RBFOX2: variants seen among roughly 807,000 people sequenced by gnomAD.
RBFOX2 encodes RNA binding protein fox-1 homolog 2.
Under a neutral mutation model 49.1 loss-of-function variants are expected in RBFOX2, and 10 were observed. The ratio of observed to expected loss-of-function variants is 0.20; its 90% confidence interval spans 0.13 to 0.35. RBFOX2 has a LOEUF of 0.35. RBFOX2 is among the 10% of genes least tolerant of loss of function. The pLI, the probability that RBFOX2 is intolerant of heterozygous loss-of-function variation, is 1.00. For synonymous variants in RBFOX2, 183 were observed against 187.4 expected (o/e 0.98, Z 0.19); for missense variants, 323 against 486.9 (o/e 0.66, Z 3.17).
At chr22:36,001,012 T>C (rs923843217) in intron 1 of RBFOX2, among the ~76,000 whole-genome samples, 19 of 152,234 alleles carry the variant, frequency 1.2e-4, no homozygotes, top group South Asian at 4.1e-4. Context: ...TAATAAATGA[T>C]AGCATCAAAA....
intron 1 of RBFOX2, among the ~76,000 whole-genome samples, chr22:35,875,440 G>C (rs926432203): frequency 6.6e-6 from 1 of 152,060 alleles, no homozygotes; most frequent in Non-Finnish European, 1.5e-5. Flanking sequence ...AAAATTCCAG[G>C]TTACATTTCT....
intron 1 of RBFOX2, among the ~76,000 whole-genome samples, chr22:35,960,732 C>T (rs530757890): frequency 1.5e-4 from 23 of 152,154 alleles, no homozygotes; most frequent in African/African-American, 5.5e-4. Flanking sequence ...CACAAAATCA[C>T]GAAGAGCCAA....
chr22:35,817,398 A>G (rs996479256), intron 1 of RBFOX2, among the ~76,000 whole-genome samples: 4 of 152,084 alleles, frequency 2.6e-5, no homozygotes, highest in African/African-American at 9.7e-5. Context: ...AATCACTTGA[A>G]CATCGGAGGC....
chr22:35,897,811 G>T, intron 1 of RBFOX2: 1 of 749,406 alleles, frequency 1.3e-6, no homozygotes, highest in Non-Finnish European at 2.5e-6. Flanking sequence ...TACGATAATG[G>T]CTTCTGGAAA....
At chr22:35,877,126 A>G (rs1396737094) in intron 1 of RBFOX2, among the ~76,000 whole-genome samples, 2 of 152,230 alleles carry the variant, frequency 1.3e-5, no homozygotes, top group Non-Finnish European at 2.9e-5. Flanking sequence ...TCCCTGATAC[A>G]AATGTAATTC....
Position 35,840,137 on chromosome 22 carries a change from T to G in RBFOX2, c.27+55A>C, listed in dbSNP as rs1958467547. ...CTTACTATACTCCACCCTCAAACCTTTATTTAGATCCCAGAGAGGAGAAAA... is the reference window on the plus strand; with the variant it reads ...CTTACTATACTCCACCCTCAAACCTGTATTTAGATCCCAGAGAGGAGAAAA... On this transcript the variant is annotated intron_variant, in intron 1 of 11. Transcript: ENST00000405409. 1.9e-6 allele frequency: 3 copies of G among 1,589,572 alleles called. No individual in the cohort carries two copies. In the African/African-American group the frequency reaches 4.0e-5, roughly 21 times the overall value.
At chr22:35,849,093 A>G (rs1451339472) in intron 1 of RBFOX2, among the ~76,000 whole-genome samples, 1 of 152,228 alleles carries the variant, frequency 6.6e-6, no homozygotes, top group Non-Finnish European at 1.5e-5. Flanking sequence ...AAAACGTTAG[A>G]CTAAAAATAG....
chr22:35,909,066 T>G (rs2049461171), intron 1 of RBFOX2, among the ~76,000 whole-genome samples: 1 of 152,154 alleles, frequency 6.6e-6, no homozygotes, highest in Non-Finnish European at 1.5e-5. Flanking sequence ...ATGGTCTCGA[T>G]CTCCTGACCT....
chr22:35,739,123 G>C (rs1398012640), exon 12 of RBFOX2: 1 of 154,228 alleles, frequency 6.5e-6, no homozygotes, highest in African/African-American at 2.4e-5. Context: ...GAGGACGGGA[G>C]GGGAGAGAGA....
intron 1 of RBFOX2, among the ~76,000 whole-genome samples, chr22:35,864,635 G>T (rs182194458): frequency 6.6e-6 from 1 of 152,182 alleles, no homozygotes; most frequent in Non-Finnish European, 1.5e-5. Flanking sequence ...GATGGTCACT[G>T]ACAATTATCC....
intron 1 of RBFOX2, among the ~76,000 whole-genome samples, chr22:35,817,688 G>A (rs1176713791): frequency 6.6e-6 from 1 of 151,984 alleles, no homozygotes; most frequent in African/African-American, 2.4e-5. Context: ...TTTAGCGTGG[G>A]TATAACTAAA....
intron 9 of RBFOX2, among the ~76,000 whole-genome samples, chr22:35,755,180 G>T (rs761920264): frequency 2.0e-5 from 3 of 152,186 alleles, no homozygotes; most frequent in Non-Finnish European, 4.4e-5. Context: ...ATCATTTCAT[G>T]CTGACAAGTT....
At chr22:35,821,916 G>A (rs1258853601) in intron 1 of RBFOX2, 4 of 518,884 alleles carry the variant, frequency 7.7e-6, no homozygotes, top group Non-Finnish European at 1.5e-5. Context: ...GAAATGGGAG[G>A]AAACCATAAA....
rs559824597 is a variant in RBFOX2, at chr22:35,770,849, T to C, written c.454-2500A>G. On this transcript the variant is annotated intron_variant, in intron 4 of 11. Coordinates refer to ENST00000405409, the Ensembl canonical transcript of RBFOX2. Reference sequence around the variant, plus strand: ...TAATGACTAACATTCTGGAACAAAATTTCACTTTCAAATGTTTTAAAAGTG... The same window carrying C: ...TAATGACTAACATTCTGGAACAAAACTTCACTTTCAAATGTTTTAAAAGTG... 3.8e-4 allele frequency among the ~76,000 whole-genome samples: 58 copies of C among 152,274 alleles called. No individual in the cohort carries two copies. In the South Asian group the frequency reaches 0.011, roughly 30 times the overall value.
chr22:35,944,493 G>C (rs535751392), intron 1 of RBFOX2, among the ~76,000 whole-genome samples: 61 of 152,114 alleles, frequency 4.0e-4, no homozygotes, highest in Non-Finnish European at 6.9e-4. Flanking sequence ...ACTATTTTTT[G>C]TAGCATTTTA....
At chr22:36,028,010 C>T (rs1281776928) in intron 1 of RBFOX2, among the ~76,000 whole-genome samples, 2 of 152,150 alleles carry the variant, frequency 1.3e-5, no homozygotes, top group Non-Finnish European at 2.9e-5. Flanking sequence ...ACTCGTCGTG[C>T]CTCCTGGCCC....
At chr22:35,967,407 C>T (rs1169105666) in intron 1 of RBFOX2, among the ~76,000 whole-genome samples, 3 of 150,196 alleles carry the variant, frequency 2.0e-5, no homozygotes, top group Non-Finnish European at 4.4e-5. Context: ...AAAAAATACC[C>T]TACCAAAAAA....
chr22:35,926,969 C>T (rs532450778), intron 1 of RBFOX2, among the ~76,000 whole-genome samples: 70 of 152,328 alleles, frequency 4.6e-4, no homozygotes, highest in African/African-American at 1.7e-3. Context: ...TGACCTAGGA[C>T]ATTTTTAAGA....
intron 1 of RBFOX2, among the ~76,000 whole-genome samples, chr22:35,981,317 T>C (rs144458756): frequency 6.6e-5 from 10 of 152,298 alleles, no homozygotes; most frequent in African/African-American, 2.4e-4. Context: ...TTTCCCTAGA[T>C]ACTCAGCCCT....
Sources: gnomAD v4.1 joint callset for allele counts (sites outside exome capture counted in the v4.1 genomes callset) on GRCh38, gnomAD v4.1.1 for gene constraint, MANE v1.5 for transcripts, NCBI Gene and HGNC (gene_info 2026-07-23, HGNC 2026-07-21) for gene names.